The following PPM1A variants were observed in gnomAD, a reference collection of about 807,000 sequenced individuals.
The protein encoded by PPM1A is protein phosphatase 1A.
Under a neutral mutation model 35.0 loss-of-function variants are expected in PPM1A, and 7 were observed. That is an observed-to-expected ratio of 0.20 (90% CI 0.11 to 0.38). The LOEUF (loss-of-function observed/expected upper bound fraction) is 0.38, where lower values mean the gene tolerates loss of function less well. Among genes scored for constraint, PPM1A ranks in the 10% least tolerant of loss-of-function variants. The pLI, the probability that PPM1A is intolerant of heterozygous loss-of-function variation, is 1.00. For synonymous variants in PPM1A, 153 were observed against 167.3 expected (o/e 0.91, Z 0.66); for missense variants, 239 against 467.8 (o/e 0.51, Z 4.51).
Position 60,296,751 on chromosome 14 carries a change from G to A in PPM1A, c.*4269G>A. On this transcript the variant is annotated 3_prime_UTR_variant, in exon 6 of 6. Transcript: ENST00000395076. The surrounding 1 kb of genome is among the most constrained non-coding windows in gnomAD (Gnocchi z 4.4). ...TAATACTGTATTGTTTTGTTGATCA[G>A]AATAATAAGTCTCAGTTAAATGTTT... 1 of 346,234 alleles carries A rather than the reference G, an allele frequency of 2.9e-6. No homozygotes were observed. The highest frequency in any genetic ancestry group is 3.8e-5 in the East Asian group (1 of 26,120). The allele number at this position is 346,234 out of a possible 1,614,324, so 21.4% of individuals were successfully genotyped here.
At chr14:60,266,941 C>T (rs1884456520) in intron 1 of PPM1A, among the ~76,000 whole-genome samples, 1 of 151,860 alleles carries the variant, frequency 6.6e-6, no homozygotes, top group Non-Finnish European at 1.5e-5. Flanking sequence ...ATTCTGAAGC[C>T]CTCTTCTTAA....
chr14:60,288,482 C>T lies in PPM1A; in HGVS notation c.953-1324C>T, dbSNP rs886201894. The T allele has an allele frequency of 8.1e-6, 8 of 983,810 alleles. No individual in the cohort carries two copies. In the African/African-American group the frequency reaches 1.4e-4, roughly 17 times the overall value. The allele number at this position is 983,810 out of a possible 1,614,324, so 60.9% of individuals were successfully genotyped here. On this transcript the variant is annotated intron_variant, in intron 3 of 5. Coordinates refer to ENST00000395076, the MANE Select transcript of PPM1A (RefSeq NM_021003.5). ...CCCTTTATTTTTGTACAGCAGATTT[C>T]CAGCATTAGAACCATGTAGAACAAA...
At chr14:60,250,504 C>T (rs937394488) in intron 1 of PPM1A, 2 of 828,178 alleles carry the variant, frequency 2.4e-6, no homozygotes, top group African/African-American at 3.7e-5. Context: ...TCTCCTGAAA[C>T]ACCACATGGT....
At chr14:60,263,600 C>A (rs1172707724) in intron 1 of PPM1A, among the ~76,000 whole-genome samples, 1 of 152,056 alleles carries the variant, frequency 6.6e-6, no homozygotes, top group Non-Finnish European at 1.5e-5. Flanking sequence ...GGTTGGGCTT[C>A]TAGTGTACCC....
chr14:60,248,616 G>C (rs941934269), upstream of PPM1A: 1 of 152,354 alleles, frequency 6.6e-6, no homozygotes, highest in African/African-American at 2.4e-5. Context: ...GGGTAGGGGG[G>C]TCTGGCAGCT....
chr14:60,296,649 T>G lies in PPM1A; in HGVS notation c.*4167T>G. On this transcript the variant is annotated 3_prime_UTR_variant, in exon 6 of 6. Transcript: ENST00000395076. The surrounding 1 kb of genome is among the most constrained non-coding windows in gnomAD (Gnocchi z 4.4). ...TTCCTTCAATTATGTGCCATGTGTTTTGGTTTGTATATGTTTTAAATTGTA... is the reference window on the plus strand; with the variant it reads ...TTCCTTCAATTATGTGCCATGTGTTGTGGTTTGTATATGTTTTAAATTGTA... The G allele has an allele frequency of 2.9e-6, 1 of 346,150 alleles. No homozygotes were observed. The highest frequency in any genetic ancestry group is 3.8e-5 in the East Asian group (1 of 26,074). 21.4% of individuals were successfully genotyped at this position (346,150 alleles called of 1,614,324 possible).
intron 3 of PPM1A, chr14:60,287,195 A>C (rs1052045860): frequency 1.1e-6 from 1 of 944,604 alleles, no homozygotes; most frequent in African/African-American, 1.8e-5. Context: ...TAGTGTGTAC[A>C]CTTTAAGTTT....
intron 1 of PPM1A, among the ~76,000 whole-genome samples, chr14:60,272,760 A>G (rs1310378435): frequency 6.6e-6 from 1 of 151,006 alleles, no homozygotes; most frequent in Non-Finnish European, 1.5e-5. Flanking sequence ...CTTTATATCC[A>G]TATCCATTAT....
In PPM1A at chr14:60,292,477, T is replaced by C; in HGVS notation, c.1144T>C (p.Trp382Arg). 1 of 1,600,962 alleles carries C rather than the reference T, an allele frequency of 6.2e-7. No homozygotes were observed. The highest frequency in any genetic ancestry group is 8.6e-7 in the Non-Finnish European group (1 of 1,169,100). The change falls in exon 6 of 6, where the codon TGG becomes CGG. Residue 382 changes from tryptophan to arginine, a missense_variant. By Grantham distance (101) the Trp-to-Arg change is moderately radical. Around this residue, in one of 2 missense-constraint regions of PPM1A, gnomAD observed 64 missense variants for 78.6 expected, o/e 0.81. Coordinates refer to ENST00000395076, the MANE Select transcript of PPM1A (RefSeq NM_021003.5). The surrounding 1 kb of genome is among the most constrained non-coding windows in gnomAD (Gnocchi z 4.2). ...DTDSTSTDDMW is the reference protein window; with the variant it reads ...DTDSTSTDDMR ...GGACTCTACATCAACAGATGATATG[T>C]GGTAAAACTGCTCATCTAGCCATGG...
chr14:60,262,449 C>T (rs1018041744), intron 1 of PPM1A, among the ~76,000 whole-genome samples: 6 of 152,032 alleles, frequency 3.9e-5, no homozygotes, highest in East Asian at 1.9e-4. Context: ...TTTGGGAAGC[C>T]GAGGCGGGAG....
rs868321828 is a variant in PPM1A at position 60,249,722 on chromosome 14, G to A, written c.-21+45G>A. On this transcript the variant is annotated intron_variant, in intron 1 of 5. Coordinates refer to ENST00000395076, the MANE Select transcript of PPM1A (RefSeq NM_021003.5). The surrounding 1 kb of genome is among the most constrained non-coding windows in gnomAD (Gnocchi z 4.5). ...CGACGGCGGGCTGGCGGGCGGTGCG[G>A]GCCTGCGCGGCGGCGGCGGCGGGCA... is the stretch of plus-strand genomic sequence containing the variant. The A allele has an allele frequency of 4.9e-5, 48 of 977,376 alleles. 1 individual carries two copies. The Middle Eastern group carries it at 2.6e-3, about 53-fold the overall frequency. The allele number at this position is 977,376 out of a possible 1,614,324, so 60.5% of individuals were successfully genotyped here. A position where few individuals can be genotyped will look rare whatever the true frequency, so the allele number is the denominator to read the frequency against.
upstream of PPM1A, chr14:60,245,864 G>C (rs1206686022): frequency 6.3e-7 from 1 of 1,592,446 alleles, no homozygotes; most frequent in Non-Finnish European, 8.5e-7. The surrounding 1 kb of genome is among the most constrained non-coding windows in gnomAD (Gnocchi z 4.2). Context: ...TGTTCTGGGA[G>C]AAAATGGGTA....
chr14:60,269,610 G>A (rs1292183699), intron 1 of PPM1A, among the ~76,000 whole-genome samples: 1 of 151,920 alleles, frequency 6.6e-6, no homozygotes, highest in Non-Finnish European at 1.5e-5. Flanking sequence ...GTGCAATGGT[G>A]CGATCTAGGC....
chr14:60,249,740 G>C lies in PPM1A; in HGVS notation c.-21+63G>C. On this transcript the variant is annotated intron_variant, in intron 1 of 5. Transcript: ENST00000395076. The surrounding 1 kb of genome is among the most constrained non-coding windows in gnomAD (Gnocchi z 4.5). ...CGGTGCGGGCCTGCGCGGCGGCGGC[G>C]GCGGGCAGGCCTGGGGCCTGTAAAC... 1.0e-6 allele frequency: 1 copy of C among 956,272 alleles called. No homozygotes were observed. The highest frequency in any genetic ancestry group is 1.2e-6 in the Non-Finnish European group (1 of 804,120). 59.2% of individuals were successfully genotyped at this position (956,272 alleles called of 1,614,324 possible).
chr14:60,249,100 G>A, upstream of PPM1A: 1 of 464,544 alleles, frequency 2.2e-6, no homozygotes, highest in Non-Finnish European at 2.8e-6. This position sits in a 1 kb window ranked among gnomAD's most constrained non-coding sequence, Gnocchi z 4.5. Context: ...AACGACATCC[G>A]GGTCTCTGTA....
At chr14:60,266,667 T>G (rs1422251314) in intron 1 of PPM1A, among the ~76,000 whole-genome samples, 7 of 152,226 alleles carry the variant, frequency 4.6e-5, no homozygotes, top group African/African-American at 1.4e-4. Flanking sequence ...TCTATTCCAC[T>G]GATAAATTTA....
At position 60,283,051 on chromosome 14, in the gene PPM1A, A is replaced by G. The variant is rs748897766; in HGVS notation, c.348A>G (p.Ser116=). 1.2e-5 allele frequency: 20 copies of G among 1,614,140 alleles called. No individual in the cohort carries two copies. The highest frequency in any genetic ancestry group is 1.6e-5 in the Non-Finnish European group (19 of 1,180,046). The part of the protein sequence containing the change: ...LEIDEHMRVM[S]EKKHGADRSG... ...TTGATGAACACATGAGAGTTATGTC[A>G]GAGAAGAAACATGGTGCAGATAGAA... is the stretch of plus-strand genomic sequence containing the variant. Residue 116 remains serine, a synonymous_variant, in exon 2 of 6, where the codon TCA becomes TCG. Transcript: ENST00000395076. This position sits in a 1 kb window ranked among gnomAD's most constrained non-coding sequence, Gnocchi z 6.3.
In PPM1A at chr14:60,292,382, C is replaced by A; in HGVS notation, c.1120-71C>A. On this transcript the variant is annotated intron_variant, in intron 5 of 5. Coordinates refer to ENST00000395076, the MANE Select transcript of PPM1A (RefSeq NM_021003.5). The surrounding 1 kb of genome is among the most constrained non-coding windows in gnomAD (Gnocchi z 4.2). ...ACAGAACATTATCTTTCTCCATTATCCAGAAAGTATGGTGTATTTTGGCAC... is the reference window on the plus strand; with the variant it reads ...ACAGAACATTATCTTTCTCCATTATACAGAAAGTATGGTGTATTTTGGCAC... 1 of 1,143,388 alleles carries A rather than the reference C, an allele frequency of 8.7e-7. No individual in the cohort carries two copies. The highest frequency in any genetic ancestry group is 1.3e-6 in the Non-Finnish European group (1 of 759,476). The allele number at this position is 1,143,388 out of a possible 1,614,324, so 70.8% of individuals were successfully genotyped here. A position where few individuals can be genotyped will look rare whatever the true frequency, so the allele number is the denominator to read the frequency against.
intron 1 of PPM1A, among the ~76,000 whole-genome samples, chr14:60,267,804 AC>A (rs1363202557): frequency 6.6e-6 from 1 of 152,114 alleles, no homozygotes; most frequent in African/African-American, 2.4e-5. Flanking sequence ...CATTAGTTTT[AC>A]AGACTTTTTT....
Sources: gnomAD v4.1 joint callset for allele counts (sites outside exome capture counted in the v4.1 genomes callset) on GRCh38, gnomAD v4.1.1 for gene constraint, gnomAD v4.1.1 regional missense constraint, Gnocchi (gnomAD v3.1) non-coding constraint, MANE v1.5 for transcripts, NCBI Gene and HGNC (gene_info 2026-07-23, HGNC 2026-07-21) for gene names.